The following CHN2 variants were observed in gnomAD, a reference collection of about 807,000 sequenced individuals.
The protein encoded by CHN2 is beta-chimaerin.
A neutral mutation model predicts 56.3 loss-of-function variants in CHN2; 35 were observed. The ratio of observed to expected loss-of-function variants is 0.62; its 90% CI spans 0.47 to 0.82. The LOEUF is 0.82. Among genes scored for constraint, CHN2 ranks in the 40% least tolerant of loss-of-function variants. The probability of loss-of-function intolerance (pLI) is 0.00; values close to 1 mark genes in which losing one functional copy is unlikely to be tolerated. For missense variants in CHN2, 491 were observed against 580.5 expected (o/e 0.85, Z 1.58); for synonymous variants, 210 against 212.8 (o/e 0.99, Z 0.12).
At chr7:29,341,168 G>A (rs1472619809) in intron 1 of CHN2, among the ~76,000 whole-genome samples, 4 of 152,126 alleles carry the variant, frequency 2.6e-5, no homozygotes, top group African/African-American at 4.8e-5. Flanking sequence ...ACAAGAGCAC[G>A]GTTTTCTGCC....
chr7:29,277,167 C>T (rs1195819824), intron 1 of CHN2, among the ~76,000 whole-genome samples: 1 of 152,142 alleles, frequency 6.6e-6, no homozygotes, highest in Non-Finnish European at 1.5e-5. Context: ...GGACCCTCCC[C>T]GCCACCCCAG....
At chr7:29,319,879 C>T (rs1260320506) in intron 1 of CHN2, among the ~76,000 whole-genome samples, 4 of 152,150 alleles carry the variant, frequency 2.6e-5, no homozygotes, top group Non-Finnish European at 4.4e-5. Flanking sequence ...CCAGTGTTGT[C>T]GTGACCAGTG....
intron 2 of CHN2, among the ~76,000 whole-genome samples, chr7:29,151,346 C>T (rs1793568407): frequency 6.6e-6 from 1 of 152,170 alleles, no homozygotes; most frequent in Admixed American, 6.5e-5. Flanking sequence ...CTTTGACGAT[C>T]CAGATGGTTT....
chr7:29,509,632 C>T (rs1791043660), intron 12 of CHN2: 1 of 374,706 alleles, frequency 2.7e-6, no homozygotes, highest in African/African-American at 2.1e-5. Context: ...ATCATGAGGT[C>T]AGGAGATTGA....
chr7:29,506,676 TA>T (rs1241718327), intron 10 of CHN2, among the ~76,000 whole-genome samples: 1 of 152,066 alleles, frequency 6.6e-6, no homozygotes, highest in African/African-American at 2.4e-5. Flanking sequence ...TAACATCACA[TA>T]TCCAAGAGGA....
At chr7:29,284,891 C>T (rs939873022) in intron 1 of CHN2, among the ~76,000 whole-genome samples, 4 of 152,202 alleles carry the variant, frequency 2.6e-5, no homozygotes, top group South Asian at 2.1e-4. Flanking sequence ...ATGCATCCTC[C>T]CTTCTCCAGG....
intron 1 of CHN2, among the ~76,000 whole-genome samples, chr7:29,340,042 T>A (rs1464442415): frequency 6.6e-6 from 1 of 151,862 alleles, no homozygotes; most frequent in Non-Finnish European, 1.5e-5. Context: ...GACTTTACAA[T>A]TTTTTTTCTT....
chr7:29,206,295 T>C (rs1209368231), intron 1 of CHN2, among the ~76,000 whole-genome samples: 1 of 152,022 alleles, frequency 6.6e-6, no homozygotes, highest in Non-Finnish European at 1.5e-5. Context: ...AAAATTTTTT[T>C]CCCCCAAGAT....
chr7:29,333,200 A>T (rs192751113), intron 1 of CHN2, among the ~76,000 whole-genome samples: 4 of 152,130 alleles, frequency 2.6e-5, no homozygotes, highest in Non-Finnish European at 5.9e-5. Context: ...TGTACAGAGC[A>T]GCAATGGGAA....
chr7:29,273,865 G>C (rs979862278), intron 1 of CHN2, among the ~76,000 whole-genome samples: 1 of 152,122 alleles, frequency 6.6e-6, no homozygotes, highest in African/African-American at 2.4e-5. Context: ...AAACTCTACT[G>C]TGTGTTTGAG....
At position 29,155,187 on chromosome 7, in the gene CHN2, C is replaced by G. The variant is rs549708850; in HGVS notation, c.274+8227C>G. Among the ~76,000 whole-genome samples the G allele has an allele frequency of 1.1e-4, 16 of 152,074 alleles. 1 individual carries two copies. In the South Asian group the frequency reaches 3.1e-3, roughly 30 times the overall value. ...GGGGACACAGCCAAACCATATCACTCCATCTCAAAAAAATAAATAAATGAA... is the reference window on the plus strand; with the variant it reads ...GGGGACACAGCCAAACCATATCACTGCATCTCAAAAAAATAAATAAATGAA... On this transcript the variant is annotated intron_variant, in intron 2 of 6. Transcript: ENST00000439384.
intron 4 of CHN2, among the ~76,000 whole-genome samples, chr7:29,396,328 G>A (rs1801738814): frequency 1.3e-5 from 2 of 151,808 alleles, no homozygotes; most frequent in African/African-American, 4.8e-5. Context: ...ATGGTGGGGT[G>A]TGCCTGTAGT....
At chr7:29,158,942 A>C (rs1257512284) in intron 2 of CHN2, among the ~76,000 whole-genome samples, 1 of 152,200 alleles carries the variant, frequency 6.6e-6, no homozygotes, top group African/African-American at 2.4e-5. Flanking sequence ...CTGAAAACTG[A>C]TTTCCAAATA....
chr7:29,146,728 CG>C lies in CHN2; in HGVS notation c.147del (p.Arg50GlyfsTer26). On this transcript the variant is annotated frameshift_variant, in exon 1 of 7. Transcript: ENST00000439384. LOFTEE classifies it high-confidence loss of function. Reference sequence around the variant, plus strand: ...AATCTTAAAAATTAATGAAGAGCATCGGCGGGGTGCCATTCAGGTTGGTTTG... The same window carrying C: ...AATCTTAAAAATTAATGAAGAGCATCGCGGGGTGCCATTCAGGTTGGTTTG... The C allele has an allele frequency of 1.3e-6, 2 of 1,550,524 alleles. No homozygotes were observed. The highest frequency in any genetic ancestry group is 1.4e-5 in the African/African-American group (1 of 73,170).
At chr7:29,464,566 A>C (rs1200771949) in intron 6 of CHN2, among the ~76,000 whole-genome samples, 1 of 152,184 alleles carries the variant, frequency 6.6e-6, no homozygotes, top group Non-Finnish European at 1.5e-5. Context: ...GATTTTCATA[A>C]AATATGCTTA....
chr7:29,310,818 C>T (rs188705726), intron 1 of CHN2, among the ~76,000 whole-genome samples: 1 of 152,262 alleles, frequency 6.6e-6, no homozygotes, highest in East Asian at 1.9e-4. Context: ...GGGGGCTCCA[C>T]CCTCATGACC....
At chr7:29,385,808 G>A (rs1800871072) in intron 3 of CHN2, among the ~76,000 whole-genome samples, 1 of 152,090 alleles carries the variant, frequency 6.6e-6, no homozygotes, top group Non-Finnish European at 1.5e-5. Context: ...AAATTTTGGG[G>A]GCAGAAGTGA....
intron 1 of CHN2, among the ~76,000 whole-genome samples, chr7:29,273,546 G>A (rs2128851506): frequency 6.6e-6 from 1 of 151,358 alleles, no homozygotes; most frequent in South Asian, 2.1e-4. Context: ...CCAGAAGAGG[G>A]ATCACTGGGT....
At chr7:29,370,228 C>T (rs1276648889) in intron 3 of CHN2, among the ~76,000 whole-genome samples, 10 of 152,188 alleles carry the variant, frequency 6.6e-5, no homozygotes, top group Admixed American at 5.9e-4. Flanking sequence ...GTGAAGGCGC[C>T]ACTTTCTCTT....
Sources: gnomAD v4.1 joint callset for allele counts (sites outside exome capture counted in the v4.1 genomes callset) on GRCh38, gnomAD v4.1.1 for gene constraint, MANE v1.5 for transcripts, NCBI Gene and HGNC (gene_info 2026-07-23, HGNC 2026-07-21) for gene names.